The following KLHL25 variants were observed in gnomAD, a reference collection of about 807,000 sequenced individuals.
The protein encoded by KLHL25 is kelch-like protein 25.
Under a neutral mutation model 30.0 loss-of-function variants are expected in KLHL25, and 41 were observed. That is an observed-to-expected ratio of 1.37 (90% confidence interval 1.07 to 1.78). KLHL25 has a LOEUF of 1.78. Ranked by LOEUF, KLHL25 falls within the 40% of genes most tolerant of loss-of-function variation. The probability of loss-of-function intolerance (pLI) is 0.00; values close to 1 mark genes in which losing one functional copy is unlikely to be tolerated. For synonymous variants in KLHL25, 399 were observed against 355.3 expected (o/e 1.12, Z -1.38); for missense variants, 971 against 824.5 (o/e 1.18, Z -2.18).
At chr15:85,772,622 C>T (rs976558481) in intron 1 of KLHL25, among the ~76,000 whole-genome samples, 1 of 152,206 alleles carries the variant, frequency 6.6e-6, no homozygotes, top group East Asian at 1.9e-4. Flanking sequence ...GCGAGAGTAC[C>T]CAGGCAGAGA....
intron 1 of KLHL25, among the ~76,000 whole-genome samples, chr15:85,777,934 T>A (rs1321376333): frequency 6.6e-6 from 1 of 152,224 alleles, no homozygotes; most frequent in African/African-American, 2.4e-5. Context: ...GTGCTAGGCA[T>A]TTTACATACA....
intron 1 of KLHL25, among the ~76,000 whole-genome samples, chr15:85,788,910 G>C (rs1166426053): frequency 6.6e-6 from 1 of 152,156 alleles, no homozygotes; most frequent in African/African-American, 2.4e-5. Context: ...ACAATGGATG[G>C]AATCGCCATG....
intron 1 of KLHL25, among the ~76,000 whole-genome samples, chr15:85,784,717 T>A (rs557009680): frequency 1.8e-4 from 27 of 152,136 alleles, no homozygotes; most frequent in African/African-American, 6.0e-4. Context: ...CCTACGACCA[T>A]AAGGAACTCG....
chr15:85,790,805 T>C (rs746971229), intron 1 of KLHL25, among the ~76,000 whole-genome samples: 2 of 151,676 alleles, frequency 1.3e-5, no homozygotes, highest in East Asian at 3.9e-4. Context: ...GAGACCACTG[T>C]GGGAGAAAAG....
At chr15:85,776,824 C>G (rs982580535) in intron 1 of KLHL25, among the ~76,000 whole-genome samples, 2 of 151,850 alleles carry the variant, frequency 1.3e-5, no homozygotes, top group Non-Finnish European at 2.9e-5. Context: ...ACTCGGGAGG[C>G]TGAGGCAGGA....
rs1567235727 is a variant in KLHL25, at chr15:85,759,337, CTTTTTA to C, written c.*1693_*1698del. The C allele has an allele frequency of 1.3e-5, 2 of 152,512 alleles. No homozygotes were observed. Among genetic ancestry groups the C allele is most frequent in the African/African-American group, 2.4e-5 (1 of 41,474 alleles). 9.4% of individuals were successfully genotyped at this position (152,512 alleles called of 1,614,324 possible). A position where few individuals can be genotyped will look rare whatever the true frequency, so the allele number is the denominator to read the frequency against. ...AGGCAGGCAAAGAATTTTCTCAACT[CTTTTTA>C]TTAAGTTAGAAAACTGATAAAAGCA... On this transcript the variant is annotated 3_prime_UTR_variant, in exon 3 of 3. Coordinates refer to ENST00000337975, the MANE Select transcript of KLHL25 (RefSeq NM_022480.4).
Position 85,769,407 on chromosome 15 carries a change from G to C in KLHL25, c.404C>G (p.Ala135Gly), listed in dbSNP as rs775646127. 2 of 1,614,168 alleles carry C rather than the reference G, an allele frequency of 1.2e-6. No individual in the cohort carries two copies. The highest frequency in any genetic ancestry group is 1.7e-6 in the Non-Finnish European group (2 of 1,180,036). ...DMLQFHDVRD[A>G]AAEFLEKNLF... ...GTTCTTCTCCAGGAACTCGGCGGCAGCATCCCGCACATCGTGGAACTGCAG... is the reference window on the plus strand; with the variant it reads ...GTTCTTCTCCAGGAACTCGGCGGCACCATCCCGCACATCGTGGAACTGCAG... The change falls in exon 2 of 3, where the codon GCT (alanine) becomes GGT (glycine). Residue 135 changes from alanine to glycine, a missense_variant. Physicochemically the swap from Ala to Gly is moderately conservative, Grantham distance 60 (BLOSUM62 0). Transcript: ENST00000337975.
rs2089639180 is a variant in KLHL25, at chr15:85,768,377, GC to G, written c.1433del (p.Cys478SerfsTer47). ...CGGCTGTGTACCGCCAAGGCTGGGG[GC>G]ACTCGGCCTTGATCGTCCACCTGTT... ...SENRWTIKAE[C>X]PQPWRYTAAA... On this transcript the variant is annotated frameshift_variant, in exon 2 of 3. Transcript: ENST00000337975. LOFTEE classifies it high-confidence loss of function. 1 of 1,613,646 alleles carries G rather than the reference GC, an allele frequency of 6.2e-7. No homozygotes were observed. The highest frequency in any genetic ancestry group is 1.7e-5 in the Admixed American group (1 of 60,012).
At chr15:85,785,656 G>A (rs2089776274) in intron 1 of KLHL25, among the ~76,000 whole-genome samples, 1 of 151,904 alleles carries the variant, frequency 6.6e-6, no homozygotes, top group African/African-American at 2.4e-5. Context: ...GTGTCCACAT[G>A]CAAACGTGTC....
At chr15:85,766,502 G>GCCGAT (rs1172104167) in intron 2 of KLHL25, among the ~76,000 whole-genome samples, 1 of 151,798 alleles carries the variant, frequency 6.6e-6, no homozygotes, top group Non-Finnish European at 1.5e-5. Context: ...AGGACCTCAT[G>GCCGAT]CCGATCCTGC....
intron 2 of KLHL25, among the ~76,000 whole-genome samples, chr15:85,765,767 G>C (rs1285886900): frequency 6.7e-6 from 1 of 150,186 alleles, no homozygotes; most frequent in Non-Finnish European, 1.5e-5. Flanking sequence ...GGGAGGTGGA[G>C]GTTGCAGTGA....
At chr15:85,782,700 T>C (rs559416812) in intron 1 of KLHL25, among the ~76,000 whole-genome samples, 21 of 152,180 alleles carry the variant, frequency 1.4e-4, no homozygotes, top group Non-Finnish European at 2.1e-4. Flanking sequence ...TACAATGTGG[T>C]GCCCCATGCG....
rs780002354 is a variant in KLHL25, at chr15:85,769,381, G to A, written c.430C>T (p.Leu144Phe). Residue 144 changes from leucine (L) to phenylalanine (F), a missense_variant, in exon 2 of 3, where the codon CTT (leucine) becomes TTT (phenylalanine). Coordinates refer to ENST00000337975, the MANE Select transcript of KLHL25 (RefSeq NM_022480.4). ...ATGCCCAGGCAGTTGGAGGGGAAAA[G>A]GTTCTTCTCCAGGAACTCGGCGGCA... ...DAAAEFLEKN[L>F]FPSNCLGMML... 1.2e-6 allele frequency: 2 copies of A among 1,614,160 alleles called. No homozygotes were observed. Among genetic ancestry groups the A allele is most frequent in the South Asian group, 2.2e-5 (2 of 91,088 alleles).
intron 1 of KLHL25, among the ~76,000 whole-genome samples, chr15:85,778,395 G>A (rs1425092181): frequency 6.6e-6 from 1 of 152,180 alleles, no homozygotes; most frequent in Non-Finnish European, 1.5e-5. Flanking sequence ...GAAGCTTGCA[G>A]GTTAATGATA....
chr15:85,778,032 C>A (rs2089720892), intron 1 of KLHL25, among the ~76,000 whole-genome samples: 1 of 152,204 alleles, frequency 6.6e-6, no homozygotes. Context: ...CAAGGAACAA[C>A]CCCCAAATCG....
chr15:85,774,407 T>C (rs1597276360), intron 1 of KLHL25, among the ~76,000 whole-genome samples: 1 of 152,120 alleles, frequency 6.6e-6, no homozygotes, highest in Non-Finnish European at 1.5e-5. Flanking sequence ...ATGTACCGGG[T>C]AACAATGTGC....
intron 1 of KLHL25, chr15:85,771,139 C>A: frequency 5.4e-6 from 1 of 184,934 alleles, no homozygotes; most frequent in Non-Finnish European, 1.2e-5. Context: ...TGCAGAGGAC[C>A]TACGCTCCAG....
intron 1 of KLHL25, among the ~76,000 whole-genome samples, chr15:85,780,814 G>A (rs2089738070): frequency 6.6e-6 from 1 of 152,120 alleles, no homozygotes; most frequent in Admixed American, 6.6e-5. Context: ...ACAACAATTG[G>A]GAAACATCTT....
At chr15:85,787,185 G>A (rs1225490875) in intron 1 of KLHL25, among the ~76,000 whole-genome samples, 5 of 142,672 alleles carry the variant, frequency 3.5e-5, no homozygotes, top group East Asian at 2.1e-4. Flanking sequence ...AGTGGCTCAC[G>A]CCTGTAATCC....
Sources: gnomAD v4.1 joint callset for allele counts (sites outside exome capture counted in the v4.1 genomes callset) on GRCh38, gnomAD v4.1.1 for gene constraint, MANE v1.5 for transcripts, NCBI Gene and HGNC (gene_info 2026-07-23, HGNC 2026-07-21) for gene names.